Variants in FAM135B observed in about 807,000 individuals in gnomAD.
FAM135B encodes protein FAM135B.
A neutral mutation model predicts 127.7 loss-of-function variants in FAM135B; 43 were observed. That is an observed-to-expected ratio of 0.34 (90% CI 0.26 to 0.43). FAM135B has a LOEUF of 0.43. FAM135B is among the 20% of genes least tolerant of loss of function. The pLI is 1.00. For synonymous variants in FAM135B, 670 were observed against 665.1 expected, an observed-to-expected ratio of 1.01 and a Z score of -0.11; for missense variants, 1,558 against 1,725.6, an observed-to-expected ratio of 0.90 and a Z score of 1.72.
At chr8:138,256,900 T>C (rs1822140285) in intron 4 of FAM135B, 141 bp from the exon 5 acceptor site, 3 of 687,696 alleles carry the variant, frequency 4.4e-6, no homozygotes, top group Admixed American at 2.2e-5. Flanking sequence ...AGAATTTCCA[T>C]GCATGTTTCA....
intron 3 of FAM135B, among the ~76,000 whole-genome samples, chr8:138,289,504 G>A (rs1160057145): frequency 6.6e-6 from 1 of 152,240 alleles, no homozygotes; most frequent in Non-Finnish European, 1.5e-5. Context: ...CTCAGAAGTG[G>A]TTCCAGCTCG....
intron 1 of FAM135B, among the ~76,000 whole-genome samples, chr8:138,421,155 C>CA (rs371833890): frequency 5.3e-5 from 8 of 151,568 alleles, no homozygotes; most frequent in East Asian, 3.9e-4. Context: ...AGTAAAAATA[C>CA]AAAAAAAATT....
At chr8:138,415,749 G>A (rs1364477429) in intron 1 of FAM135B, among the ~76,000 whole-genome samples, 5 of 152,148 alleles carry the variant, frequency 3.3e-5, no homozygotes, top group African/African-American at 1.2e-4. Flanking sequence ...TGGCCCCAAG[G>A]GGAATCCTAA....
At position 138,213,958 on chromosome 8, in the gene FAM135B, T is replaced by TTGC. The variant is rs35230725; in HGVS notation, c.670-16290_670-16289insGCA. Among the ~76,000 whole-genome samples the TTGC allele has an allele frequency of 7.4e-4, 9 of 12,210 alleles. 1 individual carries two copies. The Admixed American group carries it at 0.012, about 16-fold the overall frequency. 8.0% of individuals were successfully genotyped at this position (12,210 alleles called of 152,430 possible). ...ACTTTTGGTGGTGTTCAGGATGGCT[T>TTGC]TGTGGGGGCCTTTCTAACCCAGGGA... is the stretch of plus-strand genomic sequence containing the variant. On this transcript the variant is annotated intron_variant, in intron 7 of 19. Coordinates refer to ENST00000395297, the MANE Select transcript of FAM135B (RefSeq NM_015912.4).
chr8:138,409,192 G>T (rs377192336), intron 1 of FAM135B, among the ~76,000 whole-genome samples: 1 of 152,076 alleles, frequency 6.6e-6, no homozygotes, highest in South Asian at 2.1e-4. Context: ...ACACTGTAGG[G>T]TTATTAATTG....
intron 13 of FAM135B, among the ~76,000 whole-genome samples, chr8:138,150,769 T>C (rs1818073502): frequency 6.6e-6 from 1 of 152,178 alleles, no homozygotes; most frequent in Non-Finnish European, 1.5e-5. Context: ...ATTCATGCAA[T>C]AGAATATTGT....
At chr8:138,453,334 T>C (rs749953120) in intron 1 of FAM135B, among the ~76,000 whole-genome samples, 19 of 151,196 alleles carry the variant, frequency 1.3e-4, no homozygotes, top group African/African-American at 4.1e-4. Context: ...AAATATCCCA[T>C]ATAAAAATAC....
At chr8:138,360,936 T>A (rs1830383150) in intron 2 of FAM135B, among the ~76,000 whole-genome samples, 1 of 151,978 alleles carries the variant, frequency 6.6e-6, no homozygotes, top group African/African-American at 2.4e-5. Flanking sequence ...TTCTTTTTTT[T>A]TTTTTTTCAG....
intron 12 of FAM135B, among the ~76,000 whole-genome samples, chr8:138,161,650 G>A (rs1311001944): frequency 6.6e-6 from 1 of 152,154 alleles, no homozygotes; most frequent in East Asian, 1.9e-4. Context: ...ATTAAGACAT[G>A]ATGCCTTTGA....
intron 3 of FAM135B, among the ~76,000 whole-genome samples, chr8:138,293,634 C>T (rs1006650531): frequency 1.3e-5 from 2 of 152,092 alleles, no homozygotes; most frequent in African/African-American, 4.8e-5. Flanking sequence ...GGCCAACGAA[C>T]ATATGCAAAA....
At chr8:138,165,507 T>G (rs1054564181) in intron 12 of FAM135B, among the ~76,000 whole-genome samples, 1 of 152,192 alleles carries the variant, frequency 6.6e-6, no homozygotes, top group Non-Finnish European at 1.5e-5. Flanking sequence ...CACAAGAATG[T>G]ATGTTAATAT....
chr8:138,428,913 C>T (rs1011915623), intron 1 of FAM135B, among the ~76,000 whole-genome samples: 1 of 152,198 alleles, frequency 6.6e-6, no homozygotes, highest in African/African-American at 2.4e-5. Flanking sequence ...TTTCGTTCCA[C>T]AAACTGCCCC....
chr8:138,171,501 T>C (rs1257013762), intron 11 of FAM135B, among the ~76,000 whole-genome samples: 1 of 152,232 alleles, frequency 6.6e-6, no homozygotes, highest in Non-Finnish European at 1.5e-5. Flanking sequence ...TTCCAACACA[T>C]GCTGTTTTGT....
At chr8:138,393,455 GA>G (rs201526750) in intron 1 of FAM135B, among the ~76,000 whole-genome samples, 10,365 of 134,478 alleles carry the variant, frequency 0.077, 357 homozygotes, top group Admixed American at 0.087. Context: ...CTGTTTTAGT[GA>G]AAAAAAAAAA....
At chr8:138,373,688 G>A (rs1055242326) in intron 1 of FAM135B, among the ~76,000 whole-genome samples, 1 of 151,920 alleles carries the variant, frequency 6.6e-6, no homozygotes, top group East Asian at 1.9e-4. Context: ...TCTCAGCAAG[G>A]AACATCCCTG....
intron 1 of FAM135B, among the ~76,000 whole-genome samples, chr8:138,444,574 G>A (rs1036476872): frequency 6.6e-6 from 1 of 152,054 alleles, no homozygotes; most frequent in African/African-American, 2.4e-5. Flanking sequence ...TGAAATGAAG[G>A]CAGAAATAAA....
intron 13 of FAM135B, among the ~76,000 whole-genome samples, chr8:138,150,152 G>A (rs534148441): frequency 6.6e-6 from 1 of 152,258 alleles, no homozygotes; most frequent in Non-Finnish European, 1.5e-5. Flanking sequence ...ATAGTTTATA[G>A]ATGGGAGAGC....
At chr8:138,207,532 G>T (rs936607933) in intron 7 of FAM135B, among the ~76,000 whole-genome samples, 11 of 152,114 alleles carry the variant, frequency 7.2e-5, no homozygotes, top group African/African-American at 2.7e-4. Flanking sequence ...TTAAGAAGAT[G>T]AGGGTCTCTG....
At chr8:138,290,367 C>G (rs946851558) in intron 3 of FAM135B, among the ~76,000 whole-genome samples, 2 of 152,210 alleles carry the variant, frequency 1.3e-5, no homozygotes, top group African/African-American at 4.8e-5. Context: ...CATGTCACCT[C>G]TCAGTCCCTT....
Sources: allele counts gnomAD v4.1 joint callset (sites outside exome capture counted in the v4.1 genomes callset), GRCh38; gene constraint gnomAD v4.1.1; transcripts MANE v1.5; gene names NCBI Gene and HGNC (gene_info 2026-07-23, HGNC 2026-07-21).